Variants in MRPS10 observed in about 807,000 individuals in gnomAD.
MRPS10 encodes small ribosomal subunit protein uS10m.
Under a neutral mutation model 27.5 loss-of-function variants are expected in MRPS10, and 23 were observed. That is an observed-to-expected ratio of 0.84 (90% confidence interval 0.60 to 1.18). MRPS10 has a LOEUF of 1.18. Ranked by LOEUF, MRPS10 falls within the 50% of genes most tolerant of loss-of-function variation. The pLI is 0.00. For synonymous variants in MRPS10, 88 were observed against 84.2 expected, an observed-to-expected ratio of 1.04 and a Z score of -0.25; for missense variants, 237 against 240.1, an observed-to-expected ratio of 0.99 and a Z score of 0.09.
intron 1 of MRPS10, among the ~76,000 whole-genome samples, chr6:42,217,143 T>C (rs1368955852): frequency 6.6e-6 from 1 of 152,232 alleles, no homozygotes; most frequent in Admixed American, 6.5e-5. Context: ...GTATTAGTTG[T>C]AACATGTAAT....
intron 3 of MRPS10, among the ~76,000 whole-genome samples, 160 bp from the exon 4 acceptor site, chr6:42,212,077 A>G (rs1423024881): frequency 6.6e-6 from 1 of 152,252 alleles, no homozygotes; most frequent in Non-Finnish European, 1.5e-5. Flanking sequence ...AGATACTTTC[A>G]TGTTCAGATC....
At chr6:42,214,951 C>G (rs926062242) in intron 1 of MRPS10, among the ~76,000 whole-genome samples, 2 of 152,284 alleles carry the variant, frequency 1.3e-5, no homozygotes, top group Admixed American at 1.3e-4. Flanking sequence ...CATCAGCTCC[C>G]CCTGGTGGAA....
chr6:42,213,013 A>G (rs144086681), intron 3 of MRPS10, among the ~76,000 whole-genome samples: 108 of 152,374 alleles, frequency 7.1e-4, no homozygotes, highest in Middle Eastern at 3.4e-3. Context: ...CCACAGGGCA[A>G]CAAGTGGCTA....
At chr6:42,215,316 G>C (rs2113866548) in intron 1 of MRPS10, among the ~76,000 whole-genome samples, 1 of 125,936 alleles carries the variant, frequency 7.9e-6, no homozygotes, top group East Asian at 2.6e-4. Context: ...CTTGAACCCG[G>C]GAGGCGGAGG....
intron 1 of MRPS10, among the ~76,000 whole-genome samples, chr6:42,216,384 G>C (rs1768935275): frequency 2.1e-5 from 2 of 96,032 alleles, no homozygotes; most frequent in Non-Finnish European, 4.5e-5. Context: ...GAGAGAGAGA[G>C]AGTGTGTGTG....
At chr6:42,216,385 A>AGAGAGAGAGAGAGAGTGTGTGTGTGT in intron 1 of MRPS10, among the ~76,000 whole-genome samples, 35 of 58,668 alleles carry the variant, frequency 6.0e-4, no homozygotes, top group East Asian at 2.3e-3. Flanking sequence ...AGAGAGAGAG[A>AGAGAGAGAGAGAGAGTGTGTGTGTGT]GTGTGTGTGT....
chr6:42,216,359 T>TGAGAGAGAGAGAGAGAGAGAGAGA (rs373981686), intron 1 of MRPS10, among the ~76,000 whole-genome samples: 24 of 58,216 alleles, frequency 4.1e-4, no homozygotes, highest in South Asian at 1.0e-3. Context: ...TTGTATTTCT[T>TGAGAGAGAGAGAGAGAGAGAGAGA]GAGAGAGAGA....
At position 42,214,116 on chromosome 6, in the gene MRPS10, A is replaced by G. The variant is rs200833556; in HGVS notation, c.186+4T>C. ...CCTTATACCAAGAAACAGGGAGTAC[A>G]TACCACAGGTTTGGTCAAATCCTTT... On this transcript the variant is annotated splice_donor_region_variant and intron_variant, in intron 3 of 6. Coordinates refer to ENST00000053468, the MANE Select transcript of MRPS10 (RefSeq NM_018141.4). The G allele has an allele frequency of 7.6e-5, 122 of 1,607,582 alleles. No individual in the cohort carries two copies. The African/African-American group carries it at 1.5e-3, about 20-fold the overall frequency.
At position 42,214,357 on chromosome 6, in the gene MRPS10, A is replaced by C; in HGVS notation, c.49-13T>G. 6.3e-7 allele frequency: 1 copy of C among 1,579,926 alleles called. No individual in the cohort carries two copies. The highest frequency in any genetic ancestry group is 8.7e-7 in the Non-Finnish European group (1 of 1,153,146). On this transcript the variant is annotated splice_polypyrimidine_tract_variant and intron_variant, in intron 1 of 6. Transcript: ENST00000053468. The stretch of plus-strand genomic sequence containing the variant: ...AATTCCCCAATCCCTAAAGAAAAAA[A>C]AAGTAGGACATGTGTTAGAATTAAA...
At chr6:42,214,385 C>G (rs377456284) in intron 1 of MRPS10, 41 bp from the exon 2 acceptor site, 2 of 1,438,142 alleles carry the variant, frequency 1.4e-6, no homozygotes, top group East Asian at 2.3e-5. Context: ...GAATTAAAGT[C>G]AACTACCAAA....
chr6:42,216,236 A>G (rs1768927542), intron 1 of MRPS10, among the ~76,000 whole-genome samples: 1 of 151,072 alleles, frequency 6.6e-6, no homozygotes, highest in African/African-American at 2.4e-5. Flanking sequence ...GTTAGCCAGG[A>G]TGGTCTTGAT....
chr6:42,217,730 C>T, intron 1 of MRPS10, 72 bp downstream of exon 1: 1 of 1,507,406 alleles, frequency 6.6e-7, no homozygotes, highest in Non-Finnish European at 9.2e-7. Context: ...ATGGGCAGAG[C>T]GGCTGGTGGC....
In MRPS10 at chr6:42,216,760, G is replaced by A. The variant is rs532123990; in HGVS notation, c.48+1042C>T. Among the ~76,000 whole-genome samples, 13 of 152,134 alleles carry A rather than the reference G, an allele frequency of 8.5e-5. No homozygotes were observed. The South Asian group carries it at 2.3e-3, about 27-fold the overall frequency. Reference sequence around the variant, plus strand: ...CGGGAGGTGGAGGCTGTAGTGAGCCGAGATCGTGCCATTGCGCTCCAGCTT... The same window carrying A: ...CGGGAGGTGGAGGCTGTAGTGAGCCAAGATCGTGCCATTGCGCTCCAGCTT... On this transcript the variant is annotated intron_variant, in intron 1 of 6. Transcript: ENST00000053468.
intron 1 of MRPS10, among the ~76,000 whole-genome samples, chr6:42,215,013 T>A (rs1582353584): frequency 6.6e-6 from 1 of 152,124 alleles, no homozygotes; most frequent in Non-Finnish European, 1.5e-5. Context: ...ATAACAGCTG[T>A]TTTTTCCTTT....
chr6:42,208,319 T>C lies in MRPS10; in HGVS notation c.576A>G (p.Leu192=), dbSNP rs199933095. 4.0e-5 allele frequency: 64 copies of C among 1,613,050 alleles called. No individual in the cohort carries two copies. Among genetic ancestry groups the C allele is most frequent in the Non-Finnish European group, 5.3e-5 (63 of 1,179,592 alleles). Residue 192 remains leucine, a synonymous_variant, in exon 7 of 7, where the codon CTA becomes CTG. Coordinates refer to ENST00000053468, the MANE Select transcript of MRPS10 (RefSeq NM_018141.4). ...ACTTGCTTTCTTCTTTTTCTTCTGA[T>C]AGTGTTTCCCAGATTGGCTCCTTGA... The part of the protein sequence containing the change: ...EHIKEPIWET[L]SEEKEESKS
chr6:42,208,412 C>G, intron 6 of MRPS10, 40 bp from the exon 7 acceptor site: 1 of 1,424,980 alleles, frequency 7.0e-7, no homozygotes, highest in Non-Finnish European at 9.7e-7. Flanking sequence ...GTGGATTTAA[C>G]AGAACTCTTT....
intron 1 of MRPS10, 145 bp from the exon 2 acceptor site, chr6:42,214,489 A>G (rs1026567670): frequency 8.0e-5 from 44 of 552,428 alleles, no homozygotes; most frequent in African/African-American, 1.4e-4. Context: ...GATTGAAAAA[A>G]AAAAGAGGAC....
At chr6:42,214,606 T>G (rs2113865829) in intron 1 of MRPS10, among the ~76,000 whole-genome samples, 1 of 149,968 alleles carries the variant, frequency 6.7e-6, no homozygotes, top group African/African-American at 2.4e-5. Flanking sequence ...TTCTCACATT[T>G]AAAAAAAGCT....
chr6:42,208,492 TCTATAGGGTTTTGAAATGG>T, intron 6 of MRPS10, 120 bp from the exon 7 acceptor site: 1 of 775,346 alleles, frequency 1.3e-6, no homozygotes, highest in Non-Finnish European at 2.1e-6. Context: ...CCCTAGTCTT[TCTATAGGGTTTTGAAATGG>T]AAAGAAGGAA....
Sources: allele counts gnomAD v4.1 joint callset (sites outside exome capture counted in the v4.1 genomes callset), GRCh38; gene constraint gnomAD v4.1.1; transcripts MANE v1.5; gene names NCBI Gene and HGNC (gene_info 2026-07-23, HGNC 2026-07-21).